ERG: variants seen among roughly 807,000 people sequenced by gnomAD.
ERG encodes the protein ETS transcription factor ERG, also known as transcriptional regulator ERG.
A neutral mutation model predicts 55.3 loss-of-function variants in ERG; 9 were observed. The observed-to-expected ratio is 0.16, with a 90% confidence interval of 0.10 to 0.28. The LOEUF (loss-of-function observed/expected upper bound fraction) is 0.28, where lower values mean the gene tolerates loss of function less well. ERG is among the 10% of genes least tolerant of loss of function. The pLI is 1.00. For synonymous variants in ERG, 223 were observed against 237.3 expected (o/e 0.94, Z 0.55); for missense variants, 434 against 631.6 (o/e 0.69, Z 3.35).
chr21:38,374,760 C>T, the ERG span, among the ~76,000 whole-genome samples: 1 of 152,158 alleles, frequency 6.6e-6, no homozygotes, highest in African/African-American at 2.4e-5. Context: ...ATGCCCCAAG[C>T]CCCACTCCTC....
At position 38,546,089 on chromosome 21, in the gene ERG, T is replaced by A. The variant is rs185710190; in HGVS notation, c.-41+29573A>T. 2.0e-5 allele frequency among the ~76,000 whole-genome samples: 3 copies of A among 152,272 alleles called. No individual in the cohort carries two copies. In the East Asian group the frequency reaches 5.8e-4, roughly 29 times the overall value. ...CCCAAGACCCAGTCAGCTGTTTAGG[T>A]GTCTCCTCTGTATGCAGCACTTACT... is the stretch of plus-strand genomic sequence containing the variant. On this transcript the variant is annotated intron_variant, in intron 2 of 8. Coordinates refer to the ERG transcript ENST00000398897.
At chr21:38,392,480 A>G (rs1360354594) in intron 6 of ERG, 36 bp from the exon 7 acceptor site, 1 of 1,375,292 alleles carries the variant, frequency 7.3e-7, no homozygotes, top group East Asian at 2.7e-5. Flanking sequence ...AAGATCAATC[A>G]TGTAATTTTT....
chr21:38,429,972 A>G (rs1305813043), intron 2 of ERG, among the ~76,000 whole-genome samples: 1 of 152,198 alleles, frequency 6.6e-6, no homozygotes. Context: ...TACTAGTTCC[A>G]TAGTGGTTGT....
At position 38,383,372 on chromosome 21, in the gene ERG, C is replaced by A; in HGVS notation, c.*31G>T. 6.8e-7 allele frequency: 1 copy of A among 1,470,124 alleles called. No homozygotes were observed. Among genetic ancestry groups the A allele is most frequent in the Admixed American group, 2.4e-5 (1 of 42,432 alleles). 91.1% of individuals were successfully genotyped at this position (1,470,124 alleles called of 1,614,324 possible). A position where few individuals can be genotyped will look rare whatever the true frequency, so the allele number is the denominator to read the frequency against. On this transcript the variant is annotated 3_prime_UTR_variant, in exon 10 of 10. Coordinates refer to ENST00000288319, the MANE Select transcript of ERG (RefSeq NM_182918.4). The surrounding 1 kb of genome is among the most constrained non-coding windows in gnomAD (Gnocchi z 5.7). ...GTTTGTGGCGATGGGCTGGTGAATG[C>A]ACGCTGATGGGAAAAGCCTCCGCCA...
At chr21:38,418,713 G>C (rs1246115175) in intron 3 of ERG, among the ~76,000 whole-genome samples, 1 of 151,910 alleles carries the variant, frequency 6.6e-6, no homozygotes, top group Non-Finnish European at 1.5e-5. Context: ...GATCACCTGA[G>C]GTCAGGAGTT....
chr21:38,613,909 C>G (rs2060243695), intron 1 of ERG, among the ~76,000 whole-genome samples: 1 of 152,190 alleles, frequency 6.6e-6, no homozygotes, highest in Non-Finnish European at 1.5e-5. Context: ...CCTCAGGACA[C>G]AAGGTCAGTT....
intron 6 of ERG, among the ~76,000 whole-genome samples, chr21:38,395,049 C>T (rs767008215): frequency 3.9e-5 from 6 of 152,180 alleles, no homozygotes; most frequent in Non-Finnish European, 8.8e-5. Context: ...TAAGTCGAAA[C>T]TTAACACCAA....
chr21:38,553,506 T>C (rs924285740), intron 2 of ERG, among the ~76,000 whole-genome samples: 3 of 152,024 alleles, frequency 2.0e-5, no homozygotes, highest in Non-Finnish European at 4.4e-5. Context: ...ATGGACTAGA[T>C]TAGAGAACCC....
intron 3 of ERG, among the ~76,000 whole-genome samples, chr21:38,409,718 A>C (rs1461688196): frequency 1.3e-5 from 2 of 152,100 alleles, no homozygotes; most frequent in African/African-American, 4.8e-5. Flanking sequence ...AAAAAGGGAG[A>C]AATTTGGTGT....
At chr21:38,503,126 GT>G (rs370620555), upstream of ERG, among the ~76,000 whole-genome samples, 1 of 152,016 alleles carries the variant, frequency 6.6e-6, no homozygotes, top group Non-Finnish European at 1.5e-5. Context: ...GAAGCTTTTT[GT>G]TTTTTCCCCT....
intron 1 of ERG, among the ~76,000 whole-genome samples, chr21:38,632,709 G>A (rs759347659): frequency 5.9e-5 from 9 of 152,180 alleles, no homozygotes; most frequent in Non-Finnish European, 8.8e-5. Flanking sequence ...GTGGAACCAT[G>A]AGTCAATTAA....
At position 38,626,123 on chromosome 21, in the gene ERG, T is replaced by C. The variant is rs201642667; in HGVS notation, c.-150+35535A>G. On this transcript the variant is annotated intron_variant, in intron 1 of 10. Transcript: ENST00000398910. Reference sequence around the variant, plus strand: ...TTTTAGTAGAGACAGGGTTTCACTATGTTGGCCAGGCTGGTCTCAAACTCC... The same window carrying C: ...TTTTAGTAGAGACAGGGTTTCACTACGTTGGCCAGGCTGGTCTCAAACTCC... Among the ~76,000 whole-genome samples the C allele has an allele frequency of 2.2e-4, 33 of 152,240 alleles. No homozygotes were observed. In the East Asian group the frequency reaches 6.4e-3, roughly 29 times the overall value.
At position 38,460,268 on chromosome 21, in the gene ERG, G is replaced by A. The variant is rs1239360642; in HGVS notation, c.19-14647C>T. Among the ~76,000 whole-genome samples, 1 of 152,146 alleles carries A rather than the reference G, an allele frequency of 6.6e-6. No individual in the cohort carries two copies. Among genetic ancestry groups the A allele is most frequent in the Admixed American group, 6.5e-5 (1 of 15,284 alleles). On this transcript the variant is annotated intron_variant, in intron 1 of 9. Coordinates refer to ENST00000288319, the MANE Select transcript of ERG (RefSeq NM_182918.4). The surrounding 1 kb of genome is among the most constrained non-coding windows in gnomAD (Gnocchi z 5.0). ...AGGTGAACCAGGAAAGGCTGGGGGT[G>A]GTAGAGCCTTGCAGGCCATGGCAGG...
At chr21:38,400,383 T>C (rs751381298) in intron 6 of ERG, 191 bp downstream of exon 6, 1 of 702,516 alleles carries the variant, frequency 1.4e-6, no homozygotes, top group South Asian at 1.5e-5. Context: ...TTAATTCCTT[T>C]AGTGTGGTCT....
At chr21:38,563,162 C>A (rs1226113967) in intron 2 of ERG, among the ~76,000 whole-genome samples, 1 of 152,172 alleles carries the variant, frequency 6.6e-6, no homozygotes, top group Non-Finnish European at 1.5e-5. Flanking sequence ...ATTTGAGGGG[C>A]AGTGAAACTA....
upstream of ERG, among the ~76,000 whole-genome samples, chr21:38,587,069 C>T (rs549799305): frequency 4.6e-5 from 7 of 152,338 alleles, no homozygotes; most frequent in Admixed American, 4.6e-4. Flanking sequence ...CTCACTTATA[C>T]ATAGCATCTG....
At chr21:38,637,718 T>G (rs2060398644) in intron 1 of ERG, among the ~76,000 whole-genome samples, 1 of 152,238 alleles carries the variant, frequency 6.6e-6, no homozygotes, top group African/African-American at 2.4e-5. Flanking sequence ...ATCAACTGTC[T>G]GTGGTAGCCT....
At chr21:38,423,343 C>T in intron 3 of ERG, 67 bp downstream of exon 3, 1 of 1,532,182 alleles carries the variant, frequency 6.5e-7, no homozygotes, top group Non-Finnish European at 8.9e-7. Context: ...GAAGAGCTCC[C>T]TGAGGCTCAG....
At chr21:38,473,118 G>A (rs1033617429) in intron 1 of ERG, among the ~76,000 whole-genome samples, 4 of 138,518 alleles carry the variant, frequency 2.9e-5, no homozygotes, top group Non-Finnish European at 3.0e-5. Context: ...GCATAAAACC[G>A]TCTACAAATA....
Sources: gnomAD v4.1 joint callset for allele counts (sites outside exome capture counted in the v4.1 genomes callset) on GRCh38, gnomAD v4.1.1 for gene constraint, Gnocchi (gnomAD v3.1) non-coding constraint, MANE v1.5 for transcripts, NCBI Gene and HGNC (gene_info 2026-07-23, HGNC 2026-07-21) for gene names.